Variants in DNAI1 observed in about 807,000 individuals in gnomAD.
DNAI1 encodes the protein dynein axonemal intermediate chain 1.
Under a neutral mutation model 92.0 loss-of-function variants are expected in DNAI1, and 67 were observed. The observed-to-expected ratio is 0.73, with a 90% confidence interval of 0.60 to 0.89. The LOEUF is 0.89. Among genes scored for constraint, DNAI1 ranks in the 40% least tolerant of loss-of-function variants. The probability of loss-of-function intolerance (pLI) is 0.00; values close to 1 mark genes in which losing one functional copy is unlikely to be tolerated. For synonymous variants in DNAI1, 323 were observed against 319.6 expected (o/e 1.01, Z -0.11); for missense variants, 839 against 866.6 (o/e 0.97, Z 0.40).
intron 16 of DNAI1, among the ~76,000 whole-genome samples, chr9:34,513,824 A>G (rs1825119199): frequency 6.6e-6 from 1 of 152,180 alleles, no homozygotes; most frequent in Non-Finnish European, 1.5e-5. Flanking sequence ...GGCAGGAGTA[A>G]CAAGAGATTA....
intron 9 of DNAI1, among the ~76,000 whole-genome samples, chr9:34,493,576 G>A (rs1338470225): frequency 1.3e-5 from 2 of 152,136 alleles, no homozygotes; most frequent in Non-Finnish European, 2.9e-5. Flanking sequence ...TTGAGCTAGA[G>A]GGTAACAGAA....
chr9:34,459,473 G>C (rs1430463438), intron 1 of DNAI1, among the ~76,000 whole-genome samples: 5 of 148,878 alleles, frequency 3.4e-5, no homozygotes, highest in Non-Finnish European at 5.9e-5. Context: ...TGAGACAGAG[G>C]CTCGCCCTGT....
intron 12 of DNAI1, among the ~76,000 whole-genome samples, chr9:34,503,092 C>T (rs557703333): frequency 8.7e-4 from 133 of 152,148 alleles, no homozygotes; most frequent in Non-Finnish European, 1.7e-3. Context: ...GGGAGCAGGG[C>T]CCAGTGGCAG....
intron 12 of DNAI1, among the ~76,000 whole-genome samples, chr9:34,503,740 C>A (rs185258525): frequency 6.6e-5 from 10 of 152,272 alleles, no homozygotes. Flanking sequence ...TACCTGCTTC[C>A]CTTCTATAGC....
chr9:34,479,513 C>G (rs1824300387), intron 1 of DNAI1, among the ~76,000 whole-genome samples: 1 of 152,182 alleles, frequency 6.6e-6, no homozygotes, highest in Non-Finnish European at 1.5e-5. Flanking sequence ...AAAACAATTA[C>G]ACTCAAATTG....
Position 34,512,405 on chromosome 9 carries a change from G to T in DNAI1, c.1470G>T (p.Gly490=), listed in dbSNP as rs888186483. 5.1e-5 allele frequency: 82 copies of T among 1,614,040 alleles called. No homozygotes were observed. Among genetic ancestry groups the T allele is most frequent in the Non-Finnish European group, 6.9e-5 (81 of 1,180,046 alleles). Reference sequence around the variant, plus strand: ...GCAGCACCACGGAAGTTCCTGAGGGGTTGCAGCTGCACCCAGTGGGTAGGA... The same window carrying T: ...GCAGCACCACGGAAGTTCCTGAGGGTTTGCAGCTGCACCCAGTGGGTAGGA... ...VEGSTTEVPE[G]LQLHPVGCGT... is the part of the protein sequence containing the mutation. Residue 490 remains glycine (G), a synonymous_variant, in exon 15 of 20, where the codon GGG becomes GGT. Transcript: ENST00000242317.
At chr9:34,510,332 C>T (rs963126535) in intron 13 of DNAI1, among the ~76,000 whole-genome samples, 6 of 152,196 alleles carry the variant, frequency 3.9e-5, no homozygotes, top group African/African-American at 1.4e-4. Context: ...AAGCTTCAAC[C>T]AGCAACACTC....
At chr9:34,490,160 C>A (rs1824558198) in intron 6 of DNAI1, 36 bp downstream of exon 6, 1 of 1,613,472 alleles carries the variant, frequency 6.2e-7, no homozygotes, top group Non-Finnish European at 8.5e-7. Context: ...CCTCTTCTTC[C>A]AGCTCAAGCT....
At chr9:34,515,968 C>T (rs947873117) in intron 18 of DNAI1, among the ~76,000 whole-genome samples, 1 of 151,564 alleles carries the variant, frequency 6.6e-6, no homozygotes, top group African/African-American at 2.4e-5. Context: ...AAGATAGGTT[C>T]ACAAAGGCCA....
Position 34,512,091 on chromosome 9 carries a change from C to T in DNAI1, c.1312-18C>T. On this transcript the variant is annotated intron_variant, in intron 13 of 19. Transcript: ENST00000242317. Reference sequence around the variant, plus strand: ...CACTTTAGCAGGGTCCCAGAGCTCACATTTTGGGATGTTTCAGGTCAAGTG... The same window carrying T: ...CACTTTAGCAGGGTCCCAGAGCTCATATTTTGGGATGTTTCAGGTCAAGTG... 3 of 1,612,470 alleles carry T rather than the reference C, an allele frequency of 1.9e-6. No homozygotes were observed. Among genetic ancestry groups the T allele is most frequent in the South Asian group, 1.1e-5 (1 of 91,042 alleles).
rs1824942877 is a variant in DNAI1, at chr9:34,506,828, T to C, written c.1265T>C (p.Phe422Ser). The C allele has an allele frequency of 2.5e-6, 4 of 1,612,700 alleles. No homozygotes were observed. Among genetic ancestry groups the C allele is most frequent in the Non-Finnish European group, 3.4e-6 (4 of 1,180,022 alleles). Reference sequence around the variant, plus strand: ...AAGAAGCCCCACTCCCAGCCCTCCTTCTGCAGCTCAGCCAAGTCTGGCAAG... The same window carrying C: ...AAGAAGCCCCACTCCCAGCCCTCCTCCTGCAGCTCAGCCAAGTCTGGCAAG... ...NLKKPHSQPSFCSSAKSGKHS... is the reference protein window; with the variant it reads ...NLKKPHSQPSSCSSAKSGKHS... The change falls in exon 13 of 20, where the codon TTC (phenylalanine) becomes TCC (serine). Residue 422 changes from phenylalanine (F) to serine (S), a missense_variant. Coordinates refer to ENST00000242317, the MANE Select transcript of DNAI1 (RefSeq NM_012144.4).
At chr9:34,496,323 CT>C (rs1824725013) in intron 9 of DNAI1, among the ~76,000 whole-genome samples, 1 of 152,360 alleles carries the variant, frequency 6.6e-6, no homozygotes, top group Admixed American at 6.5e-5. Context: ...GCCTGGCCCC[CT>C]GACCCTACCC....
chr9:34,494,447 G>A (rs933525107), intron 9 of DNAI1, among the ~76,000 whole-genome samples: 10 of 152,262 alleles, frequency 6.6e-5, no homozygotes, highest in African/African-American at 2.2e-4. Context: ...GCTACTCTGT[G>A]CAGACCCTTG....
chr9:34,477,184 TA>T (rs369661762), intron 1 of DNAI1, among the ~76,000 whole-genome samples: 2 of 151,934 alleles, frequency 1.3e-5, no homozygotes, highest in Non-Finnish European at 2.9e-5. Flanking sequence ...CCCAACTAAT[TA>T]AAAAAAATTT....
At chr9:34,497,514 C>T (rs1824750827) in intron 10 of DNAI1, among the ~76,000 whole-genome samples, 2 of 152,232 alleles carry the variant, frequency 1.3e-5, no homozygotes, top group African/African-American at 4.8e-5. Context: ...ATACTGTACA[C>T]ATGAGGAAGC....
At chr9:34,481,860 T>C (rs955179529) in intron 1 of DNAI1, among the ~76,000 whole-genome samples, 3 of 152,202 alleles carry the variant, frequency 2.0e-5, no homozygotes, top group Admixed American at 1.3e-4. Context: ...GCAAGATTTA[T>C]TGCAAAGAGC....
At chr9:34,502,577 G>T (rs932211548) in intron 12 of DNAI1, among the ~76,000 whole-genome samples, 2 of 152,160 alleles carry the variant, frequency 1.3e-5, no homozygotes, top group African/African-American at 4.8e-5. Flanking sequence ...GCTGGTCGGG[G>T]TCATGTGGAG....
intron 13 of DNAI1, among the ~76,000 whole-genome samples, chr9:34,510,348 G>T (rs567239524): frequency 6.6e-6 from 1 of 151,660 alleles, no homozygotes; most frequent in African/African-American, 2.4e-5. Context: ...CACTCTGTGG[G>T]GTGTGTGTGT....
chr9:34,485,023 T>G (rs915908160), intron 2 of DNAI1, 119 bp from the exon 3 acceptor site: 1 of 939,388 alleles, frequency 1.1e-6, no homozygotes, highest in Non-Finnish European at 1.7e-6. Flanking sequence ...ATACATTTTG[T>G]ATTCTACATA....
Sources: gnomAD v4.1 joint callset for allele counts (sites outside exome capture counted in the v4.1 genomes callset) on GRCh38, gnomAD v4.1.1 for gene constraint, MANE v1.5 for transcripts, NCBI Gene and HGNC (gene_info 2026-07-23, HGNC 2026-07-21) for gene names.